CRPPA: variants seen among roughly 807,000 people sequenced by gnomAD.
The protein encoded by CRPPA is CDP-L-ribitol pyrophosphorylase A.
In CRPPA, 43 loss-of-function variants were observed where a neutral mutation model predicts 52.0. That is an observed-to-expected ratio of 0.83 (90% CI 0.65 to 1.07). CRPPA has a LOEUF of 1.07. Among genes scored for constraint, CRPPA ranks in the 50% least tolerant of loss-of-function variants. The probability of loss-of-function intolerance (pLI) is 0.00; values close to 1 mark genes in which losing one functional copy is unlikely to be tolerated. For missense variants in CRPPA, 629 were observed against 551.7 expected, an observed-to-expected ratio of 1.14 and a Z score of -1.40; for synonymous variants, 250 against 203.5, an observed-to-expected ratio of 1.23 and a Z score of -1.94.
intron 9 of CRPPA, among the ~76,000 whole-genome samples, chr7:16,106,382 A>C (rs1344551109): frequency 6.6e-6 from 1 of 152,188 alleles, no homozygotes; most frequent in Non-Finnish European, 1.5e-5. Flanking sequence ...TAGATCCCAA[A>C]GAGTTGAATT....
intron 9 of CRPPA, among the ~76,000 whole-genome samples, chr7:16,201,376 C>T (rs936889556): frequency 6.6e-6 from 1 of 152,056 alleles, no homozygotes; most frequent in African/African-American, 2.4e-5. Context: ...CGCAGTCTTA[C>T]TCTCTCTCAA....
chr7:16,157,833 G>T (rs886449111), intron 9 of CRPPA, among the ~76,000 whole-genome samples: 1 of 151,334 alleles, frequency 6.6e-6, no homozygotes, highest in East Asian at 1.9e-4. Flanking sequence ...GCTTCCTGTT[G>T]TGTCACTCTG....
intron 3 of CRPPA, among the ~76,000 whole-genome samples, chr7:16,310,301 A>G (rs932826985): frequency 6.6e-6 from 1 of 152,060 alleles, no homozygotes; most frequent in Non-Finnish European, 1.5e-5. Flanking sequence ...CCCTAAGGAC[A>G]CTTATCAGAG....
At chr7:16,296,817 C>G (rs923917102) in intron 5 of CRPPA, among the ~76,000 whole-genome samples, 1 of 152,158 alleles carries the variant, frequency 6.6e-6, no homozygotes, top group Admixed American at 6.5e-5. Context: ...ACATTATATG[C>G]TTTTCACACA....
At chr7:16,182,042 A>G (rs564852905) in intron 9 of CRPPA, among the ~76,000 whole-genome samples, 2 of 152,134 alleles carry the variant, frequency 1.3e-5, no homozygotes, top group South Asian at 4.1e-4. Flanking sequence ...TAATTGCTAG[A>G]AAGGTTAGTA....
chr7:16,117,190 A>C (rs1185345509), intron 9 of CRPPA, among the ~76,000 whole-genome samples: 1 of 152,186 alleles, frequency 6.6e-6, no homozygotes, highest in Non-Finnish European at 1.5e-5. Context: ...CTTTTGTTGT[A>C]TCTTCCATGT....
chr7:16,158,496 T>C (rs1783235100), intron 9 of CRPPA, among the ~76,000 whole-genome samples: 1 of 152,034 alleles, frequency 6.6e-6, no homozygotes, highest in African/African-American at 2.4e-5. Flanking sequence ...CAGGGACAGG[T>C]GGAAATTTTC....
chr7:16,169,745 A>G (rs1781140040), intron 9 of CRPPA, among the ~76,000 whole-genome samples: 1 of 152,212 alleles, frequency 6.6e-6, no homozygotes, highest in South Asian at 2.1e-4. Flanking sequence ...CTATATCAGG[A>G]AAGAAAGTCA....
At position 16,421,297 on chromosome 7, in the gene CRPPA, G is replaced by A; in HGVS notation, c.26C>T (p.Ala9Val). 2 of 1,265,520 alleles carry A rather than the reference G, an allele frequency of 1.6e-6. No individual in the cohort carries two copies. The highest frequency in any genetic ancestry group is 2.0e-6 in the Non-Finnish European group (2 of 1,000,898). The allele number at this position is 1,265,520 out of a possible 1,614,324, so 78.4% of individuals were successfully genotyped here. The change falls in exon 1 of 10, where the codon GCC (alanine) becomes GTC (valine). Residue 9 changes from alanine to valine, a missense_variant. Transcript: ENST00000407010. The part of the protein sequence containing the change: MEAGPPGS[A>V]RPAEPGPCLS... ...GCAAGGACCCGGCTCCGCCGGCCTG[G>A]CGCTGCCCGGCGGCCCGGCCTCCAT...
intron 2 of CRPPA, among the ~76,000 whole-genome samples, chr7:16,399,935 C>T (rs11974818): frequency 0.12 from 17,554 of 152,012 alleles, 1,134 homozygotes; most frequent in South Asian, 0.24. Context: ...GTTATGTGAC[C>T]ATATGTGACA....
intron 3 of CRPPA, among the ~76,000 whole-genome samples, chr7:16,326,981 G>A (rs1015098045): frequency 6.6e-6 from 1 of 152,268 alleles, no homozygotes; most frequent in East Asian, 1.9e-4. Flanking sequence ...AAAAGTAGGA[G>A]ATTGGGTCTT....
At chr7:16,286,562 A>AACGGATGC (rs1562609061) in intron 5 of CRPPA, among the ~76,000 whole-genome samples, 1 of 151,666 alleles carries the variant, frequency 6.6e-6, no homozygotes, top group Non-Finnish European at 1.5e-5. Context: ...TTACTCATCA[A>AACGGATGC]TTCCTACCAA....
In CRPPA at chr7:16,306,786, C is replaced by A. The variant is rs116110308; in HGVS notation, c.789+1737G>T. Reference sequence around the variant, plus strand: ...AAAATCCTCATAAATATCACTGAGCCATATATAGAAAAGGATGAATAAAAT... The same window carrying A: ...AAAATCCTCATAAATATCACTGAGCAATATATAGAAAAGGATGAATAAAAT... On this transcript the variant is annotated intron_variant, in intron 4 of 9. Transcript: ENST00000407010. 1.1e-3 allele frequency among the ~76,000 whole-genome samples: 173 copies of A among 152,112 alleles called. 1 individual carries two copies. The highest frequency in any genetic ancestry group is 4.0e-3 in the African/African-American group (166 of 41,476).
At chr7:16,243,343 A>G (rs1049332918) in intron 8 of CRPPA, among the ~76,000 whole-genome samples, 16 of 152,214 alleles carry the variant, frequency 1.1e-4, no homozygotes, top group African/African-American at 3.6e-4. Context: ...TGTCTAGAGT[A>G]GTATCTTTAT....
At chr7:16,250,728 T>C (rs1783424980) in intron 8 of CRPPA, among the ~76,000 whole-genome samples, 1 of 152,120 alleles carries the variant, frequency 6.6e-6, no homozygotes, top group South Asian at 2.1e-4. Flanking sequence ...AAGGAAGCAC[T>C]AAACATGGAA....
chr7:16,319,433 A>G (rs958464757), intron 3 of CRPPA, among the ~76,000 whole-genome samples: 6 of 152,112 alleles, frequency 3.9e-5, no homozygotes, highest in Non-Finnish European at 7.4e-5. Flanking sequence ...CTCTCTCCCA[A>G]CATGGATCCC....
intron 3 of CRPPA, among the ~76,000 whole-genome samples, chr7:16,358,287 C>T (rs889949009): frequency 6.6e-6 from 1 of 152,032 alleles, no homozygotes. Context: ...CCTTTGGCAC[C>T]CTCCAGTGAT....
At chr7:16,282,088 T>A (rs920700852) in intron 5 of CRPPA, among the ~76,000 whole-genome samples, 1 of 152,164 alleles carries the variant, frequency 6.6e-6, no homozygotes, top group African/African-American at 2.4e-5. Flanking sequence ...CCTTCCACTA[T>A]CTTTTGAGTT....
chr7:16,091,737 C>T lies in CRPPA; in HGVS notation c.1314G>A (p.Lys438=). 1 of 1,562,880 alleles carries T rather than the reference C, an allele frequency of 6.4e-7. No homozygotes were observed. The highest frequency in any genetic ancestry group is 8.7e-7 in the Non-Finnish European group (1 of 1,152,418). ...QGAIIIASLI[K]ERNSGLIGQL... ...GACCAATGAGTCCAGAATTTCTTTC[C>T]TTGATTAATGAAGCAATAATGATAG... The change falls in exon 10 of 10, where the codon AAG becomes AAA. Residue 438 remains lysine (K), a synonymous_variant. Coordinates refer to ENST00000407010, the MANE Select transcript of CRPPA (RefSeq NM_001101426.4).
Sources: allele counts gnomAD v4.1 joint callset (sites outside exome capture counted in the v4.1 genomes callset), GRCh38; gene constraint gnomAD v4.1.1; transcripts MANE v1.5; gene names NCBI Gene and HGNC (gene_info 2026-07-23, HGNC 2026-07-21).